TAFA2: variants seen among roughly 807,000 people sequenced by gnomAD.
TAFA2 encodes the protein chemokine-like protein TAFA-2.
In TAFA2, 7 loss-of-function variants were observed where a neutral mutation model predicts 18.8. That is an observed-to-expected ratio of 0.37 (90% confidence interval 0.21 to 0.70). The LOEUF (loss-of-function observed/expected upper bound fraction) is 0.70, where lower values mean the gene tolerates loss of function less well. Ranked by LOEUF, TAFA2 falls within the 30% of genes least tolerant of loss-of-function variation. TAFA2 has a pLI of 0.53. For missense variants in TAFA2, 122 were observed against 158.1 expected, an observed-to-expected ratio of 0.77 and a Z score of 1.23; for synonymous variants, 60 against 54.2, an observed-to-expected ratio of 1.11 and a Z score of -0.47.
At chr12:61,967,171 A>T (rs1218494736) in intron 1 of TAFA2, among the ~76,000 whole-genome samples, 1 of 151,814 alleles carries the variant, frequency 6.6e-6, no homozygotes, top group African/African-American at 2.4e-5. Context: ...TTCTATGTGC[A>T]TATTCTTTGC....
In TAFA2 at chr12:61,852,020, C is replaced by A. The variant is rs1038597761; in HGVS notation, c.106+15300G>T. On this transcript the variant is annotated intron_variant, in intron 2 of 4. Transcript: ENST00000416284. ...GTCAGGAGTTCGAGACCAGCCTGAC[C>A]AACATGGAGAAACCCTGTCTCTACT... Among the ~76,000 whole-genome samples the A allele has an allele frequency of 3.3e-5, 5 of 151,176 alleles. No individual in the cohort carries two copies. The East Asian group carries it at 9.8e-4, about 30-fold the overall frequency.
At chr12:62,159,776 G>C (rs2136928781) in intron 1 of TAFA2, among the ~76,000 whole-genome samples, 1 of 152,192 alleles carries the variant, frequency 6.6e-6, no homozygotes, top group East Asian at 1.9e-4. Context: ...CTCGGGTGAT[G>C]GGTGCACCAA....
chr12:62,194,732 A>T (rs1380819233), upstream of TAFA2, among the ~76,000 whole-genome samples: 1 of 152,104 alleles, frequency 6.6e-6, no homozygotes, highest in African/African-American at 2.4e-5. Flanking sequence ...TTTAACAGAA[A>T]TTTTTTGTTG....
intron 1 of TAFA2, among the ~76,000 whole-genome samples, chr12:61,990,893 A>C (rs1033445522): frequency 3.9e-5 from 6 of 152,234 alleles, no homozygotes; most frequent in African/African-American, 1.4e-4. Context: ...GAAAAGTATT[A>C]TAAGATATGT....
intron 2 of TAFA2, among the ~76,000 whole-genome samples, chr12:61,835,013 T>C (rs1245103012): frequency 2.6e-5 from 4 of 152,030 alleles, no homozygotes; most frequent in African/African-American, 9.7e-5. Flanking sequence ...AGAATTGCTT[T>C]TGTTGTCTCA....
At chr12:62,115,579 C>A (rs2136871386) in intron 1 of TAFA2, among the ~76,000 whole-genome samples, 1 of 152,264 alleles carries the variant, frequency 6.6e-6, no homozygotes, top group South Asian at 2.1e-4. Context: ...GTTTTTATAA[C>A]TGTGTGATGA....
chr12:61,987,416 C>A (rs915983373), intron 1 of TAFA2, among the ~76,000 whole-genome samples: 1 of 152,160 alleles, frequency 6.6e-6, no homozygotes, highest in Non-Finnish European at 1.5e-5. Context: ...CATCACTGAA[C>A]GAATGTGCTA....
At chr12:62,071,806 G>A (rs1196267036) in intron 1 of TAFA2, among the ~76,000 whole-genome samples, 2 of 152,086 alleles carry the variant, frequency 1.3e-5, no homozygotes, top group Non-Finnish European at 2.9e-5. Context: ...TGAACAACTG[G>A]GTGGATGATA....
chr12:61,950,372 A>G (rs1389097370), intron 1 of TAFA2, among the ~76,000 whole-genome samples: 1 of 152,200 alleles, frequency 6.6e-6, no homozygotes, highest in African/African-American at 2.4e-5. Flanking sequence ...ACCATTTTAT[A>G]GCACTACTAA....
Position 61,724,751 on chromosome 12 carries a change from A to ATGTGTGTGTG in TAFA2, c.385-14344_385-14335dup, listed in dbSNP as rs71083953. ...CTGAGTAGTATTCCATGGTATGTCT[A>ATGTGTGTGTG]TGTGTGTGTGTGTGTGTGTGTGTGT... On this transcript the variant is annotated intron_variant, in intron 4 of 4. Transcript: ENST00000416284. 1.5e-3 allele frequency among the ~76,000 whole-genome samples: 174 copies of ATGTGTGTGTG among 114,698 alleles called. 1 individual carries two copies. The highest frequency in any genetic ancestry group is 6.4e-3 in the East Asian group (23 of 3,616). The allele number at this position is 114,698 out of a possible 152,430, so 75.2% of individuals were successfully genotyped here. A position where few individuals can be genotyped will look rare whatever the true frequency, so the allele number is the denominator to read the frequency against.
intron 2 of TAFA2, among the ~76,000 whole-genome samples, chr12:61,825,444 T>C (rs905448825): frequency 1.3e-5 from 2 of 152,020 alleles, no homozygotes; most frequent in African/African-American, 4.8e-5. Context: ...GTGATACACA[T>C]TGGATTTAAA....
intron 4 of TAFA2, among the ~76,000 whole-genome samples, chr12:61,751,342 T>A (rs1223660817): frequency 2.6e-5 from 4 of 152,066 alleles, no homozygotes; most frequent in Non-Finnish European, 5.9e-5. Context: ...AATGCCATAG[T>A]GTTCCTTTGG....
rs576031787 is a variant in TAFA2, at chr12:61,897,429, T to TAA, written c.-1-30005_-1-30004dup. Among the ~76,000 whole-genome samples, 361 of 151,198 alleles carry TAA rather than the reference T, an allele frequency of 2.4e-3. 3 individuals carry two copies. The highest frequency in any genetic ancestry group is 8.2e-3 in the African/African-American group (339 of 41,200). On this transcript the variant is annotated intron_variant, in intron 1 of 4. Coordinates refer to ENST00000416284, the MANE Select transcript of TAFA2 (RefSeq NM_178539.5). ...GAACTGCCCAAGACTGAGTAATTTATAAAAAAAAAGAAGTTTAATTGACTC... is the reference window on the plus strand; with the variant it reads ...GAACTGCCCAAGACTGAGTAATTTATAAAAAAAAAAAGAAGTTTAATTGACTC...
intron 1 of TAFA2, among the ~76,000 whole-genome samples, chr12:62,060,990 T>G (rs1882332835): frequency 6.8e-6 from 1 of 147,130 alleles, no homozygotes; most frequent in Non-Finnish European, 1.5e-5. Context: ...TTAAGTAAAG[T>G]GTTATTACCA....
At chr12:61,944,336 C>A (rs2121431190) in intron 1 of TAFA2, among the ~76,000 whole-genome samples, 1 of 150,474 alleles carries the variant, frequency 6.6e-6, no homozygotes, top group East Asian at 1.9e-4. Context: ...GCACTAAATG[C>A]TCACAAGAGA....
At chr12:62,111,412 T>A (rs1869723317) in intron 1 of TAFA2, among the ~76,000 whole-genome samples, 1 of 152,220 alleles carries the variant, frequency 6.6e-6, no homozygotes, top group Admixed American at 6.5e-5. Flanking sequence ...TCCAAGTATG[T>A]GGTCAATTTT....
intron 1 of TAFA2, among the ~76,000 whole-genome samples, chr12:61,873,432 G>A (rs1874708633): frequency 6.6e-6 from 1 of 152,070 alleles, no homozygotes; most frequent in African/African-American, 2.4e-5. Context: ...AAGTAAAGAT[G>A]GAGTGGTGGC....
intron 1 of TAFA2, among the ~76,000 whole-genome samples, chr12:61,881,286 T>C (rs1412785038): frequency 2.0e-5 from 3 of 152,152 alleles, no homozygotes; most frequent in South Asian, 2.1e-4. Context: ...CATTGGGCAA[T>C]TTTAATGTGT....
chr12:61,875,666 G>T, intron 1 of TAFA2, among the ~76,000 whole-genome samples: 3 of 152,202 alleles, frequency 2.0e-5, no homozygotes, highest in Middle Eastern at 6.8e-3. Context: ...GGACAGGGCT[G>T]GATAATTGAG....
Sources: gnomAD v4.1 joint callset for allele counts (sites outside exome capture counted in the v4.1 genomes callset) on GRCh38, gnomAD v4.1.1 for gene constraint, MANE v1.5 for transcripts, NCBI Gene and HGNC (gene_info 2026-07-23, HGNC 2026-07-21) for gene names.